Variants in OPRM1 observed in about 807,000 individuals in gnomAD.
OPRM1 encodes the protein mu-type opioid receptor.
In OPRM1, 27 loss-of-function variants were observed where a neutral mutation model predicts 31.8. The observed-to-expected ratio is 0.85, with a 90% CI of 0.63 to 1.17. The LOEUF is 1.17. OPRM1 is among the 50% of genes most tolerant of loss of function. OPRM1 has a pLI of 0.00. For synonymous variants in OPRM1, 196 were observed against 189.9 expected (o/e 1.03, Z -0.26); for missense variants, 536 against 511.1 (o/e 1.05, Z -0.47).
At chr6:154,238,970 T>A (rs1449317766) in intron 3 of OPRM1, among the ~76,000 whole-genome samples, 1 of 152,068 alleles carries the variant, frequency 6.6e-6, no homozygotes, top group Non-Finnish European at 1.5e-5. Context: ...ACAAAAGTAC[T>A]ATGCACTGTC....
intron 3 of OPRM1, among the ~76,000 whole-genome samples, chr6:154,163,712 G>A (rs1583678906): frequency 6.6e-6 from 1 of 152,118 alleles, no homozygotes; most frequent in African/African-American, 2.4e-5. Flanking sequence ...ATGAATAAAT[G>A]AATTACCAAT....
chr6:154,014,411 G>C (rs1052941565), intron 1 of OPRM1, among the ~76,000 whole-genome samples: 1 of 152,130 alleles, frequency 6.6e-6, no homozygotes, highest in African/African-American at 2.4e-5. Context: ...AGCTGAGCAG[G>C]CTGCTGGTTG....
chr6:154,165,284 C>T (rs894687026), intron 3 of OPRM1, among the ~76,000 whole-genome samples: 1 of 152,158 alleles, frequency 6.6e-6, no homozygotes, highest in Non-Finnish European at 1.5e-5. Flanking sequence ...CCATTCACAT[C>T]CCCTCTCAGT....
chr6:154,098,954 C>A (rs545752894), intron 3 of OPRM1, among the ~76,000 whole-genome samples: 1 of 151,956 alleles, frequency 6.6e-6, no homozygotes, highest in African/African-American at 2.4e-5. Context: ...CTGAGTTTCA[C>A]GTGAATAGGA....
chr6:154,039,729 C>CCGG lies in OPRM1; in HGVS notation c.187_189dup (p.Gly63dup), dbSNP rs9282818. The stretch of plus-strand genomic sequence containing the variant: ...GGGAGAGACAGCCTGTGCCCTCCGA[C>CCGG]CGGCAGTCCCTCCATGATCACGGCC... On this transcript the variant is annotated inframe_insertion, in exon 1 of 4. Coordinates refer to ENST00000330432, the MANE Select transcript of OPRM1 (RefSeq NM_000914.5). 10,660 of 1,610,914 alleles carry CCGG rather than the reference C, an allele frequency of 6.6e-3. 54 individuals are homozygous for CCGG. The highest frequency in any genetic ancestry group is 9.5e-3 in the South Asian group (864 of 91,078).
In OPRM1 at chr6:154,141,656, A is replaced by G. The variant is rs118132588; in HGVS notation, c.1164+50184A>G. On this transcript the variant is annotated intron_variant, in intron 3 of 3. Transcript: ENST00000337049. ...ACATCAATCAACATATGTAAGATGA[A>G]CATTGGTTCAGTCCAGAAGGGCAGG... Among the ~76,000 whole-genome samples the G allele has an allele frequency of 7.1e-3, 1,085 of 152,356 alleles. 12 individuals carry two copies. Among genetic ancestry groups the G allele is most frequent in the East Asian group, 0.035 (184 of 5,188 alleles).
chr6:154,190,016 T>C (rs560133533), intron 3 of OPRM1, among the ~76,000 whole-genome samples: 1 of 151,840 alleles, frequency 6.6e-6, no homozygotes, highest in Non-Finnish European at 1.5e-5. Context: ...AGGTAAGAAA[T>C]TAAATAAAAA....
chr6:154,117,857 T>TA (rs1345336809), intron 3 of OPRM1, among the ~76,000 whole-genome samples: 1 of 23,824 alleles, frequency 4.2e-5, no homozygotes, highest in Non-Finnish European at 9.2e-5. Flanking sequence ...CTTAAAAAGA[T>TA]GGTGTGTGTG....
At position 154,199,887 on chromosome 6, in the gene OPRM1, C is replaced by T. The variant is rs146319173; in HGVS notation, c.1165-46806C>T. 1,114 of 1,614,062 alleles carry T rather than the reference C, an allele frequency of 6.9e-4. 1 individual carries two copies. Among genetic ancestry groups the T allele is most frequent in the Non-Finnish European group, 8.3e-4 (977 of 1,180,028 alleles). Reference sequence around the variant, plus strand: ...ATTGGTTGTCCCTCATCTTCAGCAGCAGACAAACTGTTAACTGTGTCAGGC... The same window carrying T: ...ATTGGTTGTCCCTCATCTTCAGCAGTAGACAAACTGTTAACTGTGTCAGGC... On this transcript the variant is annotated intron_variant, in intron 3 of 3. Coordinates refer to the OPRM1 transcript ENST00000337049.
At chr6:154,025,637 G>A (rs1386916550) in intron 1 of OPRM1, among the ~76,000 whole-genome samples, 1 of 151,778 alleles carries the variant, frequency 6.6e-6, no homozygotes, top group African/African-American at 2.4e-5. Context: ...TTCAGTGAAG[G>A]TAATTTACTC....
chr6:154,226,770 T>G (rs570396348), intron 3 of OPRM1, among the ~76,000 whole-genome samples: 1 of 152,290 alleles, frequency 6.6e-6, no homozygotes, highest in South Asian at 2.1e-4. Context: ...CCAGCTGCCC[T>G]CGGGTCAAGT....
chr6:154,135,801 T>G (rs1798046999), downstream of OPRM1, among the ~76,000 whole-genome samples: 1 of 152,212 alleles, frequency 6.6e-6, no homozygotes, highest in Non-Finnish European at 1.5e-5. Context: ...TAGTACAGCC[T>G]GGTACTCCCA....
intron 3 of OPRM1, among the ~76,000 whole-genome samples, chr6:154,140,109 A>G (rs1331413723): frequency 6.6e-6 from 1 of 152,172 alleles, no homozygotes; most frequent in African/African-American, 2.4e-5. Context: ...TCTCAAAGCA[A>G]TTAACAATTA....
chr6:154,227,031 T>A (rs1207804171), intron 3 of OPRM1, among the ~76,000 whole-genome samples: 1 of 151,968 alleles, frequency 6.6e-6, no homozygotes, highest in African/African-American at 2.4e-5. Flanking sequence ...ACTCTATCTC[T>A]ACTAAAAATT....
At chr6:154,146,734 T>C (rs1397109218) in intron 3 of OPRM1, among the ~76,000 whole-genome samples, 1 of 152,066 alleles carries the variant, frequency 6.6e-6, no homozygotes, top group Non-Finnish European at 1.5e-5. Flanking sequence ...CCTGGGTACC[T>C]TTATGAGCAT....
At chr6:154,226,691 G>T (rs1779279099) in intron 3 of OPRM1, among the ~76,000 whole-genome samples, 1 of 152,074 alleles carries the variant, frequency 6.6e-6, no homozygotes, top group Admixed American at 6.5e-5. Context: ...CACAGTCACA[G>T]TCACAGCAAA....
At chr6:154,076,909 C>T (rs1432145322) in intron 1 of OPRM1, among the ~76,000 whole-genome samples, 1 of 151,864 alleles carries the variant, frequency 6.6e-6, no homozygotes, top group Non-Finnish European at 1.5e-5. Context: ...CAATAGAATT[C>T]AGGTCCATGA....
At chr6:154,091,713 A>G (rs2128487709) in intron 3 of OPRM1, 1 of 1,260,556 alleles carries the variant, frequency 7.9e-7, no homozygotes, top group East Asian at 3.2e-5. Context: ...ACTATTCAAA[A>G]TAACTATTTT....
chr6:154,196,545 A>G (rs1297914868), intron 3 of OPRM1, among the ~76,000 whole-genome samples: 1 of 152,204 alleles, frequency 6.6e-6, no homozygotes, highest in Non-Finnish European at 1.5e-5. Context: ...TTCAGCATCC[A>G]GAGTAAGGTT....
Sources: gnomAD v4.1 joint callset for allele counts (sites outside exome capture counted in the v4.1 genomes callset) on GRCh38, gnomAD v4.1.1 for gene constraint, MANE v1.5 for transcripts, NCBI Gene and HGNC (gene_info 2026-07-23, HGNC 2026-07-21) for gene names.